The following KHDRBS2 variants were observed in gnomAD, a reference collection of about 807,000 sequenced individuals.
The protein encoded by KHDRBS2 is KH domain-containing, RNA-binding, signal transduction-associated protein 2.
A neutral mutation model predicts 44.3 loss-of-function variants in KHDRBS2; 26 were observed. That is an observed-to-expected ratio of 0.59 (90% CI 0.43 to 0.81). The LOEUF is 0.81. Among genes scored for constraint, KHDRBS2 ranks in the 40% least tolerant of loss-of-function variants. The pLI is 0.00. For synonymous variants in KHDRBS2, 194 were observed against 151.1 expected (o/e 1.28, Z -2.08); for missense variants, 476 against 433.1 (o/e 1.10, Z -0.88).
At chr6:61,829,976 T>C (rs1282376429) in intron 6 of KHDRBS2, among the ~76,000 whole-genome samples, 1 of 152,128 alleles carries the variant, frequency 6.6e-6, no homozygotes, top group African/African-American at 2.4e-5. Flanking sequence ...TCAGAAAAAT[T>C]TCAAGGGAAT....
At chr6:61,944,740 G>A (rs1322823596) in intron 4 of KHDRBS2, among the ~76,000 whole-genome samples, 1 of 151,984 alleles carries the variant, frequency 6.6e-6, no homozygotes, top group African/African-American at 2.4e-5. Context: ...ACACAGTCTT[G>A]TATGTAAAAA....
At chr6:61,651,799 G>T in the KHDRBS2 span, among the ~76,000 whole-genome samples, 111 of 152,172 alleles carry the variant, frequency 7.3e-4, 1 homozygote, top group Middle Eastern at 6.8e-3. Flanking sequence ...AAGTGCATAT[G>T]CTATAAGTAT....
intron 2 of KHDRBS2, among the ~76,000 whole-genome samples, chr6:62,077,213 C>A (rs1328636120): frequency 4.6e-5 from 7 of 151,956 alleles, no homozygotes; most frequent in Non-Finnish European, 8.8e-5. Context: ...TAAGTTCATT[C>A]TTTTATTCTT....
chr6:62,089,790 A>G (rs1799151502), intron 2 of KHDRBS2, among the ~76,000 whole-genome samples: 2 of 152,192 alleles, frequency 1.3e-5, no homozygotes, highest in East Asian at 3.9e-4. Flanking sequence ...TTCTGTATCT[A>G]TATTTTAATT....
chr6:61,722,045 T>G (rs1050934399), intron 7 of KHDRBS2, among the ~76,000 whole-genome samples: 2 of 151,586 alleles, frequency 1.3e-5, no homozygotes, highest in African/African-American at 2.4e-5. Context: ...ATCATGTGGT[T>G]TTTGTCTTTG....
chr6:61,912,531 T>A (rs1269985643), intron 4 of KHDRBS2, among the ~76,000 whole-genome samples: 1 of 152,150 alleles, frequency 6.6e-6, no homozygotes, highest in Non-Finnish European at 1.5e-5. Flanking sequence ...CAAGCCTTTC[T>A]AGCAGGGGCA....
At chr6:61,629,159 C>T in the KHDRBS2 span, among the ~76,000 whole-genome samples, 23 of 152,230 alleles carry the variant, frequency 1.5e-4, no homozygotes, top group Non-Finnish European at 2.4e-4. Flanking sequence ...TTCATTAGGG[C>T]ATGTGTGATT....
chr6:62,054,775 T>C (rs970590954), intron 2 of KHDRBS2, among the ~76,000 whole-genome samples: 2 of 152,020 alleles, frequency 1.3e-5, no homozygotes, highest in Non-Finnish European at 2.9e-5. Flanking sequence ...GACACCTGGA[T>C]TTCAGCTTCA....
chr6:61,911,978 G>A (rs192462505), intron 4 of KHDRBS2, among the ~76,000 whole-genome samples: 20 of 151,754 alleles, frequency 1.3e-4, no homozygotes, highest in East Asian at 3.9e-4. Context: ...CAATTATTGC[G>A]CCACTTTTTC....
At chr6:61,656,204 A>T in the KHDRBS2 span, among the ~76,000 whole-genome samples, 3 of 152,056 alleles carry the variant, frequency 2.0e-5, no homozygotes, top group African/African-American at 7.2e-5. Flanking sequence ...ATAACACTGA[A>T]TTTAGGCAGT....
intron 6 of KHDRBS2, among the ~76,000 whole-genome samples, chr6:61,767,047 T>C (rs1027517454): frequency 6.6e-6 from 1 of 152,068 alleles, no homozygotes; most frequent in Non-Finnish European, 1.5e-5. Context: ...ATGCTGAAAA[T>C]AGGGTGTTGA....
At position 62,105,452 on chromosome 6, in the gene KHDRBS2, A is replaced by G. The variant is rs575918544; in HGVS notation, c.220-57458T>C. Among the ~76,000 whole-genome samples, 9 of 152,312 alleles carry G rather than the reference A, an allele frequency of 5.9e-5. No homozygotes were observed. In the East Asian group the frequency reaches 1.7e-3, roughly 29 times the overall value. On this transcript the variant is annotated intron_variant, in intron 2 of 8. Transcript: ENST00000281156. Reference sequence around the variant, plus strand: ...AGCTATTGATTATTGCCACAATTTCAGAGCCTGTTATTGGTCTATTCAGAG... The same window carrying G: ...AGCTATTGATTATTGCCACAATTTCGGAGCCTGTTATTGGTCTATTCAGAG...
At position 61,906,963 on chromosome 6, in the gene KHDRBS2, T is replaced by C. The variant is rs182075349; in HGVS notation, c.484-5592A>G. 4.1e-3 allele frequency among the ~76,000 whole-genome samples: 620 copies of C among 152,224 alleles called. 1 individual carries two copies. Among genetic ancestry groups the C allele is most frequent in the Non-Finnish European group, 6.2e-3 (420 of 68,016 alleles). On this transcript the variant is annotated intron_variant, in intron 4 of 8. Transcript: ENST00000281156. ...CTAGATCATATGGCAGTTCTATTTTTAGTGTTTTGAGGAACCTCCATACTG... is the reference window on the plus strand; with the variant it reads ...CTAGATCATATGGCAGTTCTATTTTCAGTGTTTTGAGGAACCTCCATACTG...
At chr6:61,846,847 A>T (rs1794488406) in intron 6 of KHDRBS2, among the ~76,000 whole-genome samples, 1 of 152,044 alleles carries the variant, frequency 6.6e-6, no homozygotes, top group Admixed American at 6.6e-5. Flanking sequence ...TTGCTTAAAA[A>T]GTGCAACACA....
At chr6:61,776,264 T>C (rs1249178206) in intron 6 of KHDRBS2, among the ~76,000 whole-genome samples, 1 of 152,038 alleles carries the variant, frequency 6.6e-6, no homozygotes, top group Non-Finnish European at 1.5e-5. Flanking sequence ...CCAAAAGCAA[T>C]GGCAACAAAA....
chr6:62,159,161 A>G (rs1817083120), intron 2 of KHDRBS2, among the ~76,000 whole-genome samples: 1 of 152,312 alleles, frequency 6.6e-6, no homozygotes, highest in Non-Finnish European at 1.5e-5. Context: ...CTTAGTAAAA[A>G]TGGATAGTTA....
chr6:62,177,913 T>C (rs1445492689), intron 1 of KHDRBS2, among the ~76,000 whole-genome samples: 2 of 151,432 alleles, frequency 1.3e-5, no homozygotes, highest in Admixed American at 1.3e-4. Context: ...AATATTAGAA[T>C]ATTACCAAAT....
At chr6:62,170,671 C>T (rs955797491) in intron 2 of KHDRBS2, among the ~76,000 whole-genome samples, 3 of 152,124 alleles carry the variant, frequency 2.0e-5, no homozygotes, top group African/African-American at 7.2e-5. Flanking sequence ...GATCCCACTG[C>T]CACCACCCTG....
intron 2 of KHDRBS2, among the ~76,000 whole-genome samples, chr6:62,087,134 A>T (rs1798542384): frequency 6.6e-6 from 1 of 152,170 alleles, no homozygotes; most frequent in African/African-American, 2.4e-5. Context: ...GAAAATGAGC[A>T]AAAGAAAAGG....
Sources: allele counts gnomAD v4.1 joint callset (sites outside exome capture counted in the v4.1 genomes callset), GRCh38; gene constraint gnomAD v4.1.1; transcripts MANE v1.5; gene names NCBI Gene and HGNC (gene_info 2026-07-23, HGNC 2026-07-21).